The following UNC5B variants were observed in gnomAD, a reference collection of about 807,000 sequenced individuals.
UNC5B encodes the protein unc-5 netrin receptor B.
A neutral mutation model predicts 103.7 loss-of-function variants in UNC5B; 56 were observed. The observed-to-expected ratio is 0.54, with a 90% CI of 0.44 to 0.67. The LOEUF (loss-of-function observed/expected upper bound fraction) is 0.67. Ranked by LOEUF, UNC5B falls within the 30% of genes least tolerant of loss-of-function variation. The probability of loss-of-function intolerance (pLI) is 0.00; values close to 1 mark genes in which losing one functional copy is unlikely to be tolerated. For missense variants in UNC5B, 1,194 were observed against 1,284.5 expected, an observed-to-expected ratio of 0.93 and a Z score of 1.08; for synonymous variants, 577 against 542.0, an observed-to-expected ratio of 1.06 and a Z score of -0.90.
At chr10:71,265,680 C>G (rs985703061) in intron 1 of UNC5B, among the ~76,000 whole-genome samples, 1 of 152,190 alleles carries the variant, frequency 6.6e-6, no homozygotes, top group East Asian at 1.9e-4. Context: ...TCAGGGGAGC[C>G]GTGCGCTCCT....
chr10:71,223,815 G>T (rs906184876), intron 1 of UNC5B, among the ~76,000 whole-genome samples: 1 of 151,622 alleles, frequency 6.6e-6, no homozygotes, highest in Non-Finnish European at 1.5e-5. Context: ...ACAACTGGCC[G>T]TGAGGCCTGA....
At chr10:71,221,457 T>C (rs1589147755) in intron 1 of UNC5B, among the ~76,000 whole-genome samples, 1 of 151,818 alleles carries the variant, frequency 6.6e-6, no homozygotes, top group African/African-American at 2.4e-5. Flanking sequence ...ATCTTGGGGG[T>C]TGGGGAATGA....
intron 1 of UNC5B, among the ~76,000 whole-genome samples, chr10:71,214,462 G>C (rs1169412072): frequency 6.6e-6 from 1 of 152,128 alleles, no homozygotes; most frequent in African/African-American, 2.4e-5. Context: ...GAAGTTGGAA[G>C]GTAATGATGG....
rs1377277973 is a variant in UNC5B, at chr10:71,300,969, C to T, written c.*1692C>T. ...CCCCCACCCAACCTGTTCGAGGGGC[C>T]CTGCATGGCACGGGATGAGTCCCTG... is the stretch of plus-strand genomic sequence containing the variant. On this transcript the variant is annotated 3_prime_UTR_variant, in exon 17 of 17. Coordinates refer to ENST00000335350, the MANE Select transcript of UNC5B (RefSeq NM_170744.5). 1 of 152,468 alleles carries T rather than the reference C, an allele frequency of 6.6e-6. No individual in the cohort carries two copies. The highest frequency in any genetic ancestry group is 1.5e-5 in the Non-Finnish European group (1 of 68,256). 9.4% of individuals were successfully genotyped at this position (152,468 alleles called of 1,614,324 possible).
intron 2 of UNC5B, 138 bp downstream of exon 2, chr10:71,280,183 C>G: frequency 1.0e-6 from 1 of 974,014 alleles, no homozygotes; most frequent in Non-Finnish European, 1.5e-6. Context: ...CATGTCCCAG[C>G]CTGACTTTGG....
chr10:71,252,786 G>C (rs980601844), intron 1 of UNC5B, among the ~76,000 whole-genome samples: 1 of 152,208 alleles, frequency 6.6e-6, no homozygotes, highest in African/African-American at 2.4e-5. Flanking sequence ...ATTGGTAGCA[G>C]TGAAGTCCAT....
Position 71,226,633 on chromosome 10 carries a change from G to A in UNC5B, c.79+13569G>A, listed in dbSNP as rs1843568997. Among the ~76,000 whole-genome samples the A allele has an allele frequency of 2.0e-5, 3 of 152,236 alleles. No homozygotes were observed. In the South Asian group the frequency reaches 6.2e-4, roughly 32 times the overall value. ...AGGATGGAGAAAGTATTTAGTGATGGTAGCTCTGATCAGCAGCATCCAATT... is the reference window on the plus strand; with the variant it reads ...AGGATGGAGAAAGTATTTAGTGATGATAGCTCTGATCAGCAGCATCCAATT... On this transcript the variant is annotated intron_variant, in intron 1 of 16. Transcript: ENST00000335350.
chr10:71,253,143 C>T (rs1299552134), intron 1 of UNC5B, among the ~76,000 whole-genome samples: 2 of 152,210 alleles, frequency 1.3e-5, no homozygotes, highest in Non-Finnish European at 2.9e-5. Context: ...GACTCTGGGT[C>T]TGCACCCTCT....
At chr10:71,288,769 A>G in intron 7 of UNC5B, 37 bp downstream of exon 7, 1 of 1,569,568 alleles carries the variant, frequency 6.4e-7, no homozygotes. Flanking sequence ...GGGGGTGGGG[A>G]CTCTGGAGCC....
Position 71,279,745 on chromosome 10 carries a change from G to A in UNC5B, c.80-76G>A, listed in dbSNP as rs557205202. ...CCCCTGTCCTCTTCGTCTGCGGTGG[G>A]CCCCCGGGGTGGGCGAGGGGTGCCA... On this transcript the variant is annotated intron_variant, in intron 1 of 16. Coordinates refer to ENST00000335350, the MANE Select transcript of UNC5B (RefSeq NM_170744.5). The A allele has an allele frequency of 5.0e-5, 74 of 1,482,956 alleles. No individual in the cohort carries two copies. In the East Asian group the frequency reaches 1.5e-3, roughly 29 times the overall value. The allele number at this position is 1,482,956 out of a possible 1,614,324, so 91.9% of individuals were successfully genotyped here. A position where few individuals can be genotyped will look rare whatever the true frequency, so the allele number is the denominator to read the frequency against.
At chr10:71,240,157 G>A (rs574420114) in intron 1 of UNC5B, among the ~76,000 whole-genome samples, 105 of 151,806 alleles carry the variant, frequency 6.9e-4, no homozygotes, top group Admixed American at 2.1e-3. Context: ...ATTATGAGCC[G>A]CGCTTCTCGT....
At chr10:71,278,470 A>G (rs1390122570) in intron 1 of UNC5B, among the ~76,000 whole-genome samples, 1 of 152,038 alleles carries the variant, frequency 6.6e-6, no homozygotes, top group African/African-American at 2.4e-5. Context: ...CCGCCCGTAC[A>G]CACACTGCCC....
rs768004513 is a variant in UNC5B, at chr10:71,287,636, T to C, written c.772T>C (p.Cys258Arg). The C allele has an allele frequency of 1.2e-5, 20 of 1,611,242 alleles. No homozygotes were observed. Among genetic ancestry groups the C allele is most frequent in the Non-Finnish European group, 8.5e-7 (1 of 1,179,046 alleles). ...GWSSWAEWSPCSNRCGRGWQK... is the reference protein window; with the variant it reads ...GWSSWAEWSPRSNRCGRGWQK... ...GTCCAGCTGGGCAGAGTGGTCACCC[T>C]GCTCCAACCGCTGTGGCCGAGGCTG... Residue 258 changes from cysteine (C) to arginine (R), a missense_variant, in exon 6 of 17, where the codon TGC becomes CGC. Transcript: ENST00000335350.
chr10:71,293,129 A>C (rs577794907), intron 11 of UNC5B, among the ~76,000 whole-genome samples: 1 of 152,310 alleles, frequency 6.6e-6, no homozygotes, highest in East Asian at 1.9e-4. Context: ...GACCTATTGA[A>C]AACCTTCCAA....
chr10:71,297,421 G>A (rs1342505899), intron 15 of UNC5B, among the ~76,000 whole-genome samples: 4 of 152,228 alleles, frequency 2.6e-5, no homozygotes, highest in Admixed American at 6.5e-5. Flanking sequence ...GTTCTCAACC[G>A]TTAAAAATCC....
rs1348066116 is a variant in UNC5B at position 71,212,706 on chromosome 10, G to A, written c.-280G>A. Reference sequence around the variant, plus strand: ...ACTGAGCGGTCGCGCAACTTCGGAGGCACAGCGCCGGAGCCAGGCGAGCGC... The same window carrying A: ...ACTGAGCGGTCGCGCAACTTCGGAGACACAGCGCCGGAGCCAGGCGAGCGC... On this transcript the variant is annotated 5_prime_UTR_variant, in exon 1 of 17. Coordinates refer to ENST00000335350, the MANE Select transcript of UNC5B (RefSeq NM_170744.5). The A allele has an allele frequency of 6.6e-6, 2 of 303,488 alleles. No homozygotes were observed. The allele number at this position is 303,488 out of a possible 1,614,324, so 18.8% of individuals were successfully genotyped here.
At chr10:71,226,281 G>A (rs1168886161) in intron 1 of UNC5B, among the ~76,000 whole-genome samples, 1 of 152,124 alleles carries the variant, frequency 6.6e-6, no homozygotes, top group Admixed American at 6.5e-5. Context: ...CACCAAGTTG[G>A]CCAGGCTGGT....
intron 1 of UNC5B, among the ~76,000 whole-genome samples, chr10:71,273,672 G>A (rs929026658): frequency 6.6e-5 from 10 of 152,318 alleles, no homozygotes; most frequent in Non-Finnish European, 8.8e-5. Flanking sequence ...GCCTACAGAC[G>A]GGCACAGGGC....
At chr10:71,269,630 T>A (rs1844599988) in intron 1 of UNC5B, among the ~76,000 whole-genome samples, 1 of 152,012 alleles carries the variant, frequency 6.6e-6, no homozygotes, top group African/African-American at 2.4e-5. Flanking sequence ...CCCCAGTGCT[T>A]GTCCTGTGTC....
Sources: gnomAD v4.1 joint callset for allele counts (sites outside exome capture counted in the v4.1 genomes callset) on GRCh38, gnomAD v4.1.1 for gene constraint, MANE v1.5 for transcripts, NCBI Gene and HGNC (gene_info 2026-07-23, HGNC 2026-07-21) for gene names.